Variants in SPATA17 observed in about 807,000 individuals in gnomAD.
SPATA17 encodes spermatogenesis-associated protein 17.
A neutral mutation model predicts 62.2 loss-of-function variants in SPATA17; 53 were observed. That is an observed-to-expected ratio of 0.85 (90% confidence interval 0.68 to 1.07). SPATA17 has a LOEUF of 1.07. Among genes scored for constraint, SPATA17 ranks in the 50% least tolerant of loss-of-function variants. The pLI is 0.00. For synonymous variants in SPATA17, 146 were observed against 146.8 expected (o/e 0.99, Z 0.04); for missense variants, 466 against 425.5 (o/e 1.10, Z -0.84).
At chr1:217,757,086 T>G (rs887058716) in intron 6 of SPATA17, among the ~76,000 whole-genome samples, 1 of 152,096 alleles carries the variant, frequency 6.6e-6, no homozygotes, top group East Asian at 1.9e-4. Flanking sequence ...ATCTGAGACA[T>G]TAATATAGTT....
chr1:217,823,070 A>G (rs1262016127), intron 9 of SPATA17, among the ~76,000 whole-genome samples: 3 of 151,556 alleles, frequency 2.0e-5, no homozygotes, highest in African/African-American at 7.3e-5. Context: ...GTTTTTGTTC[A>G]TTGGAACTTT....
chr1:217,820,756 A>G (rs1571827004), intron 9 of SPATA17, among the ~76,000 whole-genome samples: 1 of 152,142 alleles, frequency 6.6e-6, no homozygotes, highest in Middle Eastern at 3.4e-3. Context: ...CACAAAATTG[A>G]ATATATTTGG....
chr1:217,666,269 A>G (rs1400347675), intron 3 of SPATA17, among the ~76,000 whole-genome samples: 1 of 152,136 alleles, frequency 6.6e-6, no homozygotes, highest in East Asian at 1.9e-4. Context: ...TAGGTACAAT[A>G]TGCTTTCCTC....
rs1674321916 is a variant in SPATA17 at position 217,801,846 on chromosome 1, A to G, written c.1001A>G (p.Asp334Gly). 2 of 1,602,004 alleles carry G rather than the reference A, an allele frequency of 1.2e-6. No homozygotes were observed. The highest frequency in any genetic ancestry group is 3.6e-5 in the Admixed American group (2 of 56,084). Reference sequence around the variant, plus strand: ...GAAAATCCTAAGAAATGGATCTGTGACAAGGTGAGTTAACAAAACATTTTA... The same window carrying G: ...GAAAATCCTAAGAAATGGATCTGTGGCAAGGTGAGTTAACAAAACATTTTA... Reference protein sequence around the residue: ...RSENPKKWICDKDFQTVLPSF... With the variant: ...RSENPKKWICGKDFQTVLPSF... Residue 334 changes from aspartate (D) to glycine (G), a missense_variant, in exon 9 of 11, where the codon GAC (aspartate) becomes GGC (glycine). Coordinates refer to ENST00000366933, the MANE Select transcript of SPATA17 (RefSeq NM_138796.4).
intron 5 of SPATA17, among the ~76,000 whole-genome samples, chr1:217,704,794 C>T (rs1394921777): frequency 6.6e-6 from 1 of 151,914 alleles, no homozygotes; most frequent in Non-Finnish European, 1.5e-5. Flanking sequence ...TTTCTTTATC[C>T]AGTATACCAC....
At chr1:217,649,494 A>G (rs1468970265) in intron 2 of SPATA17, among the ~76,000 whole-genome samples, 1 of 152,108 alleles carries the variant, frequency 6.6e-6, no homozygotes, top group Non-Finnish European at 1.5e-5. Context: ...AATAAAATAA[A>G]ATTCTCAATA....
chr1:217,697,054 G>C (rs1671475775), intron 5 of SPATA17, among the ~76,000 whole-genome samples: 1 of 152,156 alleles, frequency 6.6e-6, no homozygotes, highest in Admixed American at 6.5e-5. Context: ...TGTCACCCAG[G>C]CTGGAGTGCA....
chr1:217,791,438 T>C (rs1260469951), intron 8 of SPATA17, among the ~76,000 whole-genome samples: 1 of 152,208 alleles, frequency 6.6e-6, no homozygotes, highest in Non-Finnish European at 1.5e-5. Flanking sequence ...CTAGAATTTG[T>C]CTACAAAAGA....
At chr1:217,745,420 T>G (rs764701536) in intron 6 of SPATA17, among the ~76,000 whole-genome samples, 8 of 152,152 alleles carry the variant, frequency 5.3e-5, no homozygotes, top group Non-Finnish European at 1.2e-4. Flanking sequence ...TTAGTTTTAC[T>G]GACAGAATGA....
At chr1:217,842,615 C>A (rs1056223239) in intron 9 of SPATA17, among the ~76,000 whole-genome samples, 2 of 151,936 alleles carry the variant, frequency 1.3e-5, no homozygotes, top group African/African-American at 4.8e-5. Context: ...AATTCGATAG[C>A]ATATGCAGTG....
At chr1:217,755,469 A>G (rs945295454) in intron 6 of SPATA17, among the ~76,000 whole-genome samples, 1 of 152,044 alleles carries the variant, frequency 6.6e-6, no homozygotes, top group Non-Finnish European at 1.5e-5. Context: ...AGTAGCTAGT[A>G]TTATGCTGAA....
chr1:217,803,917 C>G (rs929960787), intron 9 of SPATA17, among the ~76,000 whole-genome samples: 1 of 151,770 alleles, frequency 6.6e-6, no homozygotes, highest in Non-Finnish European at 1.5e-5. Context: ...ACTTGGGAGG[C>G]TGAGGCAGGA....
rs986793942 is a variant in SPATA17 at position 217,650,964 on chromosome 1, T to C, written c.159-133T>C. 6.3e-6 allele frequency: 4 copies of C among 634,414 alleles called. No homozygotes were observed. In the African/African-American group the frequency reaches 7.5e-5, roughly 12 times the overall value. The allele number at this position is 634,414 out of a possible 1,614,324, so 39.3% of individuals were successfully genotyped here. A position where few individuals can be genotyped will look rare whatever the true frequency, so the allele number is the denominator to read the frequency against. On this transcript the variant is annotated intron_variant, in intron 2 of 10. Coordinates refer to ENST00000366933, the MANE Select transcript of SPATA17 (RefSeq NM_138796.4). ...GATTAATTCTATCCCACAATAACTT[T>C]CTACTGTTTAAAAGTGCACATAAAC...
chr1:217,708,405 C>G (rs971610406), intron 5 of SPATA17, among the ~76,000 whole-genome samples: 3 of 151,756 alleles, frequency 2.0e-5, no homozygotes, highest in African/African-American at 7.3e-5. Context: ...TACAGAAAAC[C>G]CAGAGACTAC....
intron 6 of SPATA17, among the ~76,000 whole-genome samples, chr1:217,756,087 C>G (rs1001811096): frequency 7.9e-5 from 12 of 151,992 alleles, no homozygotes; most frequent in African/African-American, 2.9e-4. Flanking sequence ...TTTCTCATAC[C>G]AAAGTAGGCT....
intron 6 of SPATA17, among the ~76,000 whole-genome samples, chr1:217,760,409 G>A (rs1199125569): frequency 6.6e-6 from 1 of 152,074 alleles, no homozygotes; most frequent in Non-Finnish European, 1.5e-5. Flanking sequence ...CAAAATGGCA[G>A]GTATAATCTA....
At chr1:217,725,818 A>T (rs962375489) in intron 5 of SPATA17, among the ~76,000 whole-genome samples, 2 of 152,022 alleles carry the variant, frequency 1.3e-5, no homozygotes, top group Admixed American at 1.3e-4. Context: ...AAAAAGTTGT[A>T]TTTTCATAAT....
intron 5 of SPATA17, among the ~76,000 whole-genome samples, chr1:217,727,296 A>C (rs1022240136): frequency 6.7e-6 from 1 of 150,082 alleles, no homozygotes; most frequent in Non-Finnish European, 1.5e-5. Context: ...TAACAACAAA[A>C]AACTGTTATT....
At chr1:217,660,622 C>T (rs1265664640) in intron 3 of SPATA17, among the ~76,000 whole-genome samples, 1 of 152,124 alleles carries the variant, frequency 6.6e-6, no homozygotes, top group South Asian at 2.1e-4. Flanking sequence ...GGGATATATG[C>T]CACACCCAAA....
Sources: gnomAD v4.1 joint callset for allele counts (sites outside exome capture counted in the v4.1 genomes callset) on GRCh38, gnomAD v4.1.1 for gene constraint, MANE v1.5 for transcripts, NCBI Gene and HGNC (gene_info 2026-07-23, HGNC 2026-07-21) for gene names.